Variants in PRKCI observed in about 807,000 individuals in gnomAD.
PRKCI encodes the protein protein kinase C iota.
A neutral mutation model predicts 84.0 loss-of-function variants in PRKCI; 43 were observed. The observed-to-expected ratio is 0.51, with a 90% CI of 0.40 to 0.66. The LOEUF (loss-of-function observed/expected upper bound fraction) is 0.66. PRKCI is among the 30% of genes least tolerant of loss of function. The pLI is 0.00. For synonymous variants in PRKCI, 216 were observed against 234.4 expected, an observed-to-expected ratio of 0.92 and a Z score of 0.72; for missense variants, 459 against 745.6, an observed-to-expected ratio of 0.62 and a Z score of 4.48.
chr3:170,240,951 C>G (rs1158479811), intron 2 of PRKCI, among the ~76,000 whole-genome samples: 1 of 152,200 alleles, frequency 6.6e-6, no homozygotes, highest in South Asian at 2.1e-4. Flanking sequence ...TCATGCCACA[C>G]TCCTCTTTCT....
chr3:170,222,581 C>T lies in PRKCI; in HGVS notation c.-89C>T, dbSNP rs558318333. The stretch of plus-strand genomic sequence containing the variant: ...AGGTGGGCGGACGGCCGCGGTTCTC[C>T]GGCAAGCGCAGGCGGCGGAGTCCCC... On this transcript the variant is annotated 5_prime_UTR_variant, in exon 1 of 18. Transcript: ENST00000295797. 6 of 1,189,312 alleles carry T rather than the reference C, an allele frequency of 5.0e-6. No homozygotes were observed. The highest frequency in any genetic ancestry group is 6.9e-6 in the Non-Finnish European group (6 of 872,124). The allele number at this position is 1,189,312 out of a possible 1,614,324, so 73.7% of individuals were successfully genotyped here.
chr3:170,259,392 A>C (rs530117389), intron 2 of PRKCI, among the ~76,000 whole-genome samples: 15 of 152,222 alleles, frequency 9.9e-5, no homozygotes, highest in African/African-American at 2.6e-4. Flanking sequence ...AAACCAAAGA[A>C]CAAAATTTTA....
intron 3 of PRKCI, among the ~76,000 whole-genome samples, chr3:170,262,820 TTTTC>T (rs1306234202): frequency 2.2e-3 from 321 of 146,268 alleles, no homozygotes; most frequent in Non-Finnish European, 3.7e-3. Flanking sequence ...ATAAGAACTT[TTTTC>T]TTTCTTTCTT....
At chr3:170,254,525 G>C (rs1733535888) in intron 2 of PRKCI, among the ~76,000 whole-genome samples, 1 of 152,148 alleles carries the variant, frequency 6.6e-6, no homozygotes, top group African/African-American at 2.4e-5. Flanking sequence ...TCTTCTGCAT[G>C]TGGATATCTT....
chr3:170,275,775 TC>T (rs749642461), intron 8 of PRKCI, among the ~76,000 whole-genome samples: 83 of 152,268 alleles, frequency 5.5e-4, no homozygotes, highest in Middle Eastern at 3.4e-3. Flanking sequence ...TAATCATGTC[TC>T]CCACCTTCCA....
chr3:170,238,232 G>A (rs569834972), intron 2 of PRKCI, among the ~76,000 whole-genome samples: 4 of 152,110 alleles, frequency 2.6e-5, no homozygotes, highest in South Asian at 2.1e-4. Context: ...GCGTGGTGGC[G>A]GGTGCCTGTA....
intron 1 of PRKCI, among the ~76,000 whole-genome samples, 185 bp from the exon 2 acceptor site, chr3:170,235,045 G>A (rs1732934227): frequency 6.6e-6 from 1 of 151,984 alleles, no homozygotes. Context: ...CTCCCAAAGT[G>A]CATGAGCCAC....
chr3:170,251,938 G>C (rs1360485895), intron 2 of PRKCI, among the ~76,000 whole-genome samples: 1 of 150,330 alleles, frequency 6.7e-6, no homozygotes, highest in Admixed American at 6.6e-5. Context: ...AAGATTGGCC[G>C]GGTGCGGTGG....
intron 2 of PRKCI, among the ~76,000 whole-genome samples, chr3:170,248,087 A>G (rs1227075119): frequency 1.3e-5 from 2 of 152,226 alleles, no homozygotes; most frequent in Non-Finnish European, 2.9e-5. Context: ...TAACTCAGAC[A>G]TCAGGGAGAA....
chr3:170,248,812 A>G (rs566082945), intron 2 of PRKCI, among the ~76,000 whole-genome samples: 2 of 151,988 alleles, frequency 1.3e-5, no homozygotes, highest in East Asian at 3.9e-4. Context: ...GATGTACAGC[A>G]AAAGTGAGAT....
At chr3:170,239,592 C>A (rs1049018290) in intron 2 of PRKCI, among the ~76,000 whole-genome samples, 2 of 152,084 alleles carry the variant, frequency 1.3e-5, no homozygotes, top group African/African-American at 4.8e-5. Context: ...TTTGTATTAT[C>A]CTTGCCTGGA....
In PRKCI at chr3:170,280,215, T is replaced by C. The variant is rs566835854; in HGVS notation, c.706-12T>C. ...TTTCCCATTATAACTCTGATACAAA[T>C]GTTCTCAACAGGCAATGAACACCAG... On this transcript the variant is annotated splice_polypyrimidine_tract_variant and intron_variant, in intron 8 of 17. Coordinates refer to ENST00000295797, the MANE Select transcript of PRKCI (RefSeq NM_002740.6). 4.4e-6 allele frequency: 7 copies of C among 1,603,868 alleles called. No individual in the cohort carries two copies. In the South Asian group the frequency reaches 6.7e-5, roughly 15 times the overall value.
At chr3:170,269,633 A>G (rs936505507) in intron 5 of PRKCI, among the ~76,000 whole-genome samples, 2 of 152,108 alleles carry the variant, frequency 1.3e-5, no homozygotes, top group Admixed American at 6.6e-5. Context: ...CTGACAGAGC[A>G]AGACCCTGTC....
intron 2 of PRKCI, chr3:170,245,017 G>C (rs980865780): frequency 2.0e-5 from 3 of 152,036 alleles, no homozygotes; most frequent in African/African-American, 7.2e-5. Flanking sequence ...ATCTGTTCAG[G>C]TGTGATTACA....
chr3:170,237,103 G>C (rs771182793), intron 2 of PRKCI, among the ~76,000 whole-genome samples: 1 of 152,212 alleles, frequency 6.6e-6, no homozygotes, highest in African/African-American at 2.4e-5. Flanking sequence ...TTTTGAGGTA[G>C]AGGAGGTGAG....
chr3:170,261,032 C>G (rs1733711528), intron 3 of PRKCI, among the ~76,000 whole-genome samples: 1 of 152,082 alleles, frequency 6.6e-6, no homozygotes. Flanking sequence ...TCATAGCTCA[C>G]TGCAGCCTTG....
chr3:170,283,386 T>C (rs1734301269), intron 11 of PRKCI, among the ~76,000 whole-genome samples: 1 of 152,242 alleles, frequency 6.6e-6, no homozygotes, highest in African/African-American at 2.4e-5. Context: ...GAAATTTCAT[T>C]TAAATTAAAA....
At chr3:170,249,418 C>T (rs890253426) in intron 2 of PRKCI, among the ~76,000 whole-genome samples, 6 of 151,776 alleles carry the variant, frequency 4.0e-5, no homozygotes, top group Admixed American at 3.3e-4. Flanking sequence ...AGAGAGAGTG[C>T]GTGTGTGCGT....
At chr3:170,224,622 C>T (rs1200798796) in intron 1 of PRKCI, among the ~76,000 whole-genome samples, 9 of 152,208 alleles carry the variant, frequency 5.9e-5, no homozygotes, top group African/African-American at 2.2e-4. Flanking sequence ...CTCCCGGGTT[C>T]AAGCAATTCG....
Sources: allele counts gnomAD v4.1 joint callset (sites outside exome capture counted in the v4.1 genomes callset), GRCh38; gene constraint gnomAD v4.1.1; transcripts MANE v1.5; gene names NCBI Gene and HGNC (gene_info 2026-07-23, HGNC 2026-07-21).